The following NR3C2 variants were observed in gnomAD, a reference collection of about 807,000 sequenced individuals.
NR3C2 encodes mineralocorticoid receptor.
In NR3C2, 15 loss-of-function variants were observed where a neutral mutation model predicts 86.4. The ratio of observed to expected loss-of-function variants is 0.17; its 90% confidence interval spans 0.12 to 0.27. The LOEUF (loss-of-function observed/expected upper bound fraction) is 0.27, where lower values mean the gene tolerates loss of function less well. Among genes scored for constraint, NR3C2 ranks in the 10% least tolerant of loss-of-function variants. The probability of loss-of-function intolerance (pLI) is 1.00; values close to 1 mark genes in which losing one functional copy is unlikely to be tolerated. For missense variants in NR3C2, 960 were observed against 1,195.6 expected, an observed-to-expected ratio of 0.80 and a Z score of 2.91; for synonymous variants, 458 against 450.5, an observed-to-expected ratio of 1.02 and a Z score of -0.21.
chr4:148,223,777 T>C (rs900833127), intron 3 of NR3C2, among the ~76,000 whole-genome samples: 3 of 152,204 alleles, frequency 2.0e-5, no homozygotes, highest in Non-Finnish European at 2.9e-5. Flanking sequence ...CAAATTACTT[T>C]AAGGTTATAA....
At chr4:148,415,016 T>G (rs1172380679) in intron 2 of NR3C2, among the ~76,000 whole-genome samples, 1 of 152,240 alleles carries the variant, frequency 6.6e-6, no homozygotes, top group South Asian at 2.1e-4. Flanking sequence ...TGCAACTGAT[T>G]TGCCTACAGA....
At chr4:148,102,579 G>T (rs552651720) in intron 8 of NR3C2, among the ~76,000 whole-genome samples, 65 of 152,036 alleles carry the variant, frequency 4.3e-4, no homozygotes, top group African/African-American at 1.2e-3. Context: ...TCATCACCAG[G>T]AGTCATCATT....
intron 5 of NR3C2, among the ~76,000 whole-genome samples, 197 bp from the exon 6 acceptor site, chr4:148,152,810 T>C (rs1405292851): frequency 6.6e-6 from 1 of 152,162 alleles, no homozygotes; most frequent in Admixed American, 6.5e-5. Context: ...TTTAAATTCA[T>C]CCTAAATTCT....
intron 4 of NR3C2, among the ~76,000 whole-genome samples, chr4:148,193,338 C>T (rs541504513): frequency 2.0e-4 from 31 of 152,328 alleles, no homozygotes; most frequent in South Asian, 8.3e-4. Context: ...GGGTGTCTCC[C>T]AGGTCCTCCG....
In NR3C2 at chr4:148,436,496, T is replaced by C. The variant is rs147024247; in HGVS notation, c.365A>G (p.Gln122Arg). The change falls in exon 2 of 9, where the codon CAG becomes CGG. Residue 122 changes from glutamine to arginine, a missense_variant. Coordinates refer to ENST00000358102, the MANE Select transcript of NR3C2 (RefSeq NM_000901.5). The part of the protein sequence containing the change: ...VRDADYSYEQ[Q>R]NQQGSMSPAK... Reference sequence around the variant, plus strand: ...TGGACTCATGCTTCCTTGTTGGTTCTGCTGCTCATAGGAATAGTCAGCATC... The same window carrying C: ...TGGACTCATGCTTCCTTGTTGGTTCCGCTGCTCATAGGAATAGTCAGCATC... The C allele has an allele frequency of 3.4e-5, 55 of 1,614,136 alleles. No individual in the cohort carries two copies. The highest frequency in any genetic ancestry group is 4.5e-5 in the Non-Finnish European group (53 of 1,180,048).
At chr4:148,395,318 C>T (rs1009576101) in intron 2 of NR3C2, among the ~76,000 whole-genome samples, 2 of 152,014 alleles carry the variant, frequency 1.3e-5, no homozygotes, top group Non-Finnish European at 2.9e-5. Flanking sequence ...CCCCTAAATC[C>T]TCTAGAATAT....
chr4:148,199,995 G>T (rs184672380), intron 3 of NR3C2, among the ~76,000 whole-genome samples: 3 of 152,334 alleles, frequency 2.0e-5, no homozygotes, highest in Admixed American at 6.5e-5. Context: ...TCTGGCATAA[G>T]CCTTAAGGAA....
intron 8 of NR3C2, among the ~76,000 whole-genome samples, chr4:148,098,863 A>G (rs1731412501): frequency 6.6e-6 from 1 of 152,222 alleles, no homozygotes; most frequent in Admixed American, 6.5e-5. Flanking sequence ...GACACTGACA[A>G]TAACATTTCT....
At chr4:148,434,241 T>C (rs1749930721) in intron 2 of NR3C2, among the ~76,000 whole-genome samples, 1 of 152,160 alleles carries the variant, frequency 6.6e-6, no homozygotes, top group African/African-American at 2.4e-5. Context: ...ATAAAAACAG[T>C]ACTGAAGCAA....
chr4:148,144,064 G>A (rs898959398), intron 6 of NR3C2, among the ~76,000 whole-genome samples: 1 of 151,860 alleles, frequency 6.6e-6, no homozygotes, highest in African/African-American at 2.4e-5. Context: ...CTCAGGTACA[G>A]GCAGTCCCTA....
chr4:148,142,062 G>C (rs1197653168), intron 6 of NR3C2, among the ~76,000 whole-genome samples: 4 of 152,122 alleles, frequency 2.6e-5, no homozygotes, highest in Admixed American at 6.5e-5. Flanking sequence ...TAGGAGCAAG[G>C]GCACAGCAGT....
At chr4:148,215,235 C>T (rs977271402) in intron 3 of NR3C2, among the ~76,000 whole-genome samples, 4 of 152,224 alleles carry the variant, frequency 2.6e-5, no homozygotes, top group African/African-American at 9.6e-5. Flanking sequence ...CCTTGGGATT[C>T]ACAGCTAGAT....
intron 2 of NR3C2, among the ~76,000 whole-genome samples, chr4:148,335,043 C>T (rs1353673005): frequency 1.3e-5 from 2 of 152,164 alleles, no homozygotes; most frequent in Non-Finnish European, 2.9e-5. Context: ...CATTAGGGGC[C>T]ACTCTATTCC....
intron 2 of NR3C2, among the ~76,000 whole-genome samples, chr4:148,411,109 G>T (rs1452004926): frequency 2.0e-5 from 3 of 152,098 alleles, no homozygotes; most frequent in Non-Finnish European, 4.4e-5. Context: ...TTGGCTGGTT[G>T]CATCAACTGC....
intron 2 of NR3C2, among the ~76,000 whole-genome samples, chr4:148,366,001 A>G (rs1255231270): frequency 6.6e-6 from 1 of 152,176 alleles, no homozygotes; most frequent in African/African-American, 2.4e-5. Context: ...AAATCTAAAA[A>G]TCAAACAAAA....
At chr4:148,353,431 A>G (rs1745396416) in intron 2 of NR3C2, among the ~76,000 whole-genome samples, 1 of 152,146 alleles carries the variant, frequency 6.6e-6, no homozygotes, top group African/African-American at 2.4e-5. Flanking sequence ...AATTTTGTCA[A>G]CAATATACAT....
intron 3 of NR3C2, among the ~76,000 whole-genome samples, chr4:148,213,506 T>C (rs1440254471): frequency 2.0e-5 from 3 of 152,206 alleles, no homozygotes; most frequent in Admixed American, 2.0e-4. Context: ...TATAGTATTC[T>C]GAATTGAATA....
At chr4:148,107,603 C>T (rs944612572) in intron 8 of NR3C2, among the ~76,000 whole-genome samples, 1 of 152,180 alleles carries the variant, frequency 6.6e-6, no homozygotes, top group Non-Finnish European at 1.5e-5. Flanking sequence ...ACCCAAATGC[C>T]CATCATTGAT....
chr4:148,282,865 A>C (rs1356691517), intron 2 of NR3C2, among the ~76,000 whole-genome samples: 1 of 152,198 alleles, frequency 6.6e-6, no homozygotes, highest in Non-Finnish European at 1.5e-5. Context: ...TGGCATCAAT[A>C]GGCAGAGTGG....
Sources: allele counts gnomAD v4.1 joint callset (sites outside exome capture counted in the v4.1 genomes callset), GRCh38; gene constraint gnomAD v4.1.1; transcripts MANE v1.5; gene names NCBI Gene and HGNC (gene_info 2026-07-23, HGNC 2026-07-21).